The following JARID2 variants were observed in gnomAD, a reference collection of about 807,000 sequenced individuals.
JARID2 encodes protein Jumonji.
A neutral mutation model predicts 125.6 loss-of-function variants in JARID2; 21 were observed. The observed-to-expected ratio is 0.17, with a 90% CI of 0.12 to 0.24. The LOEUF is 0.24. Ranked by LOEUF, JARID2 falls within the 10% of genes least tolerant of loss-of-function variation. The pLI is 1.00. For synonymous variants in JARID2, 736 were observed against 661.6 expected, an observed-to-expected ratio of 1.11 and a Z score of -1.73; for missense variants, 1,303 against 1,639.6, an observed-to-expected ratio of 0.79 and a Z score of 3.55.
intron 1 of JARID2, among the ~76,000 whole-genome samples, chr6:15,293,617 A>G (rs1231672048): frequency 6.6e-6 from 1 of 152,234 alleles, no homozygotes; most frequent in Non-Finnish European, 1.5e-5. Flanking sequence ...GATCATTGGT[A>G]TTAGGCAGTG....
chr6:15,496,407 G>A lies in JARID2; in HGVS notation c.1182G>A (p.Gly394=), dbSNP rs139296418. Residue 394 remains glycine, a synonymous_variant, in exon 7 of 18, where the codon GGG becomes GGA. Transcript: ENST00000341776. ...CCCGCAAACAGGTGCTATCCCTCGG[G>A]GGGGCGTCCAAGTCCACTGGGCCCG... ...AKTRKQVLSL[G]GASKSTGPAV... is the part of the protein sequence containing the mutation. The A allele has an allele frequency of 1.9e-6, 3 of 1,613,860 alleles. No individual in the cohort carries two copies. The highest frequency in any genetic ancestry group is 2.5e-6 in the Non-Finnish European group (3 of 1,179,914).
At chr6:15,451,414 C>T (rs922709741) in intron 3 of JARID2, among the ~76,000 whole-genome samples, 3 of 152,076 alleles carry the variant, frequency 2.0e-5, no homozygotes, top group South Asian at 2.1e-4. Flanking sequence ...TTGGAGGGGG[C>T]GTAGATAGAC....
intron 1 of JARID2, among the ~76,000 whole-genome samples, chr6:15,287,668 T>C (rs1405476313): frequency 6.6e-6 from 1 of 152,292 alleles, no homozygotes; most frequent in East Asian, 1.9e-4. Flanking sequence ...TTTTCCTTCT[T>C]CCTGCAGTTG....
chr6:15,442,224 T>C (rs1767478402), intron 3 of JARID2, among the ~76,000 whole-genome samples: 1 of 152,094 alleles, frequency 6.6e-6, no homozygotes, highest in African/African-American at 2.4e-5. Flanking sequence ...GGGTGTTGAG[T>C]AATCTAAAAT....
At chr6:15,350,506 C>T (rs1763385989) in intron 1 of JARID2, among the ~76,000 whole-genome samples, 1 of 152,132 alleles carries the variant, frequency 6.6e-6, no homozygotes. Context: ...TAGCTGATTC[C>T]AAGATGTGCT....
In JARID2 at chr6:15,487,332, A is replaced by C. The variant is rs1048436045; in HGVS notation, c.696A>C (p.Thr232=). The change falls in exon 6 of 18, where the codon ACA becomes ACC. Residue 232 remains threonine, a synonymous_variant. Coordinates refer to ENST00000341776, the MANE Select transcript of JARID2 (RefSeq NM_004973.4). ...TTTTCAATGGTTCCAGCAGGTCAAC[A>C]CGGGAGAAGGAACCTGTTCAAAAAC... ...GHVFNGSSRS[T]REKEPVQKHK... 16 of 1,614,148 alleles carry C rather than the reference A, an allele frequency of 9.9e-6. No individual in the cohort carries two copies. The highest frequency in any genetic ancestry group is 1.3e-5 in the Non-Finnish European group (15 of 1,180,006).
intron 3 of JARID2, among the ~76,000 whole-genome samples, chr6:15,446,420 G>T (rs1014073406): frequency 2.6e-5 from 4 of 152,332 alleles, no homozygotes; most frequent in Admixed American, 1.3e-4. Flanking sequence ...TTCTGTGCGG[G>T]AAGTGGCCTC....
chr6:15,412,532 C>T (rs1439539699), intron 3 of JARID2, among the ~76,000 whole-genome samples: 1 of 152,170 alleles, frequency 6.6e-6, no homozygotes, highest in East Asian at 1.9e-4. Context: ...TGGCCTTGAA[C>T]TCCCAGCCTC....
At chr6:15,267,862 A>G (rs1206811720) in intron 1 of JARID2, among the ~76,000 whole-genome samples, 1 of 151,998 alleles carries the variant, frequency 6.6e-6, no homozygotes, top group Non-Finnish European at 1.5e-5. Context: ...CTGAGAAAAA[A>G]CTGCATTCAG....
intron 1 of JARID2, among the ~76,000 whole-genome samples, chr6:15,282,954 A>AATCT (rs375994862): frequency 3.3e-5 from 5 of 150,452 alleles, no homozygotes; most frequent in Admixed American, 6.7e-5. Context: ...ATGTTCCTGA[A>AATCT]ATCTATCTAT....
intron 5 of JARID2, among the ~76,000 whole-genome samples, chr6:15,485,157 G>C (rs980536323): frequency 6.6e-6 from 1 of 152,174 alleles, no homozygotes; most frequent in African/African-American, 2.4e-5. Flanking sequence ...TGCAACGTCG[G>C]ATTGTATCCC....
chr6:15,514,107 C>A (rs1473046193), intron 16 of JARID2, among the ~76,000 whole-genome samples: 1 of 152,238 alleles, frequency 6.6e-6, no homozygotes, highest in African/African-American at 2.4e-5. Flanking sequence ...ACCTCCTCCC[C>A]CTGCTCACCC....
At chr6:15,374,652 C>T (rs564146981) in intron 2 of JARID2, among the ~76,000 whole-genome samples, 4 of 152,296 alleles carry the variant, frequency 2.6e-5, no homozygotes, top group Non-Finnish European at 2.9e-5. Context: ...TCTGGCTCAG[C>T]GGCTTTCTCA....
chr6:15,416,503 C>T (rs1581531683), intron 3 of JARID2, among the ~76,000 whole-genome samples: 1 of 152,252 alleles, frequency 6.6e-6, no homozygotes, highest in East Asian at 1.9e-4. Context: ...CCGGCCAACA[C>T]AGCGAAACCC....
intron 11 of JARID2, among the ~76,000 whole-genome samples, 176 bp downstream of exon 11, chr6:15,507,592 G>A (rs1010769084): frequency 6.6e-6 from 1 of 152,210 alleles, no homozygotes; most frequent in African/African-American, 2.4e-5. Flanking sequence ...ATAATGATTG[G>A]TGAAGTCAGT....
rs190334024 is a variant in JARID2 at position 15,520,925 on chromosome 6, G to A, written c.*674G>A. On this transcript the variant is annotated 3_prime_UTR_variant, in exon 18 of 18. Coordinates refer to ENST00000341776, the MANE Select transcript of JARID2 (RefSeq NM_004973.4). ...ATCTGTTCCAGGAAAGAAGAAAAGCGAGCGAGGAAGACGGAAAAGACTGCC... is the reference window on the plus strand; with the variant it reads ...ATCTGTTCCAGGAAAGAAGAAAAGCAAGCGAGGAAGACGGAAAAGACTGCC... 1.4e-5 allele frequency: 6 copies of A among 432,034 alleles called. No individual in the cohort carries two copies. Among genetic ancestry groups the A allele is most frequent in the East Asian group, 1.5e-4 (2 of 13,612 alleles). 26.8% of individuals were successfully genotyped at this position (432,034 alleles called of 1,614,324 possible).
intron 4 of JARID2, among the ~76,000 whole-genome samples, 193 bp from the exon 5 acceptor site, chr6:15,468,349 G>A (rs1433970370): frequency 6.6e-6 from 1 of 151,914 alleles, no homozygotes; most frequent in East Asian, 1.9e-4. Context: ...TCTTCTTCCT[G>A]CTGGGGGATT....
intron 3 of JARID2, among the ~76,000 whole-genome samples, chr6:15,424,859 CAAACA>C (rs573755438): frequency 9.2e-5 from 14 of 152,120 alleles, no homozygotes; most frequent in Non-Finnish European, 1.6e-4. Context: ...AACTCTGTCT[CAAACA>C]AAACAAAACA....
Position 15,285,106 on chromosome 6 carries a change from G to GTTTTTTTTTTTTTTTTT in JARID2, c.45+38527_45+38543dup, listed in dbSNP as rs199945772. Among the ~76,000 whole-genome samples the GTTTTTTTTTTTTTTTTT allele has an allele frequency of 2.5e-5, 3 of 119,458 alleles. 1 individual carries two copies. The highest frequency in any genetic ancestry group is 3.4e-5 in the Non-Finnish European group (2 of 59,364). The allele number at this position is 119,458 out of a possible 152,430, so 78.4% of individuals were successfully genotyped here. A position where few individuals can be genotyped will look rare whatever the true frequency, so the allele number is the denominator to read the frequency against. ...TTTGCATTAATGTGAGTCTTTCTGG[G>GTTTTTTTTTTTTTTTTT]TTTTTTTTTTTTTTTTTTTTTGAAA... On this transcript the variant is annotated intron_variant, in intron 1 of 17. Transcript: ENST00000341776.
Sources: allele counts gnomAD v4.1 joint callset (sites outside exome capture counted in the v4.1 genomes callset), GRCh38; gene constraint gnomAD v4.1.1; transcripts MANE v1.5; gene names NCBI Gene and HGNC (gene_info 2026-07-23, HGNC 2026-07-21).